CNKSR3: variants seen among roughly 807,000 people sequenced by gnomAD.
CNKSR3 encodes connector enhancer of kinase suppressor of ras 3.
CNKSR3 carries 36 observed loss-of-function variants against 67.7 expected under a neutral mutation model. That is an observed-to-expected ratio of 0.53 (90% confidence interval 0.41 to 0.70). The LOEUF (loss-of-function observed/expected upper bound fraction) is 0.70. CNKSR3 is among the 30% of genes least tolerant of loss of function. CNKSR3 has a pLI of 0.00. For synonymous variants in CNKSR3, 281 were observed against 271.4 expected (o/e 1.04, Z -0.35); for missense variants, 630 against 695.2 (o/e 0.91, Z 1.05).
intron 7 of CNKSR3, among the ~76,000 whole-genome samples, chr6:154,425,503 G>C (rs1423885149): frequency 6.6e-6 from 1 of 152,156 alleles, no homozygotes; most frequent in African/African-American, 2.4e-5. Context: ...TGCTTGTGTT[G>C]GTTTGCTGCA....
At position 154,415,227 on chromosome 6, in the gene CNKSR3, C is replaced by CTTTTTTT. The variant is rs773533317; in HGVS notation, c.946-805_946-804insAAAAAAA. Reference sequence around the variant, plus strand: ...ATCCTGGCTAGACTTACTAGCTGCCCATTTTTTTTTTTTTTTTTTTTAAGA... The same window carrying CTTTTTTT: ...ATCCTGGCTAGACTTACTAGCTGCCCTTTTTTTATTTTTTTTTTTTTTTTTTTTAAGA... On this transcript the variant is annotated intron_variant, in intron 9 of 12. Coordinates refer to ENST00000607772, the MANE Select transcript of CNKSR3 (RefSeq NM_173515.4). 3.7e-4 allele frequency among the ~76,000 whole-genome samples: 42 copies of CTTTTTTT among 112,778 alleles called. 3 individuals carry two copies. The highest frequency in any genetic ancestry group is 7.2e-4 in the East Asian group (2 of 2,770). 74.0% of individuals were successfully genotyped at this position (112,778 alleles called of 152,430 possible).
intron 9 of CNKSR3, among the ~76,000 whole-genome samples, chr6:154,421,831 A>T (rs1284485160): frequency 6.6e-6 from 1 of 152,162 alleles, no homozygotes; most frequent in East Asian, 1.9e-4. Context: ...TGTGTTTGAA[A>T]TGAGAGAGGA....
intron 3 of CNKSR3, 51 bp from the exon 4 acceptor site, chr6:154,441,430 G>A (rs1369052759): frequency 3.1e-5 from 41 of 1,304,502 alleles, no homozygotes; most frequent in Non-Finnish European, 4.3e-5. Flanking sequence ...AATCCACGGG[G>A]ATCCCACTGG....
At chr6:154,418,721 AG>A (rs1367629342) in intron 9 of CNKSR3, among the ~76,000 whole-genome samples, 1 of 152,246 alleles carries the variant, frequency 6.6e-6, no homozygotes, top group Non-Finnish European at 1.5e-5. Context: ...CAACAGAAAC[AG>A]CTGGAGTATA....
intron 5 of CNKSR3, among the ~76,000 whole-genome samples, chr6:154,430,856 C>T (rs1193969094): frequency 2.0e-5 from 3 of 151,952 alleles, no homozygotes; most frequent in Non-Finnish European, 4.4e-5. Flanking sequence ...AGGCAGAAAT[C>T]CCCTTTCAGC....
intron 2 of CNKSR3, among the ~76,000 whole-genome samples, chr6:154,444,302 T>G (rs546807148): frequency 6.6e-6 from 1 of 152,314 alleles, no homozygotes; most frequent in Admixed American, 6.5e-5. Flanking sequence ...TTATCTCTAA[T>G]TTGCCGGTAA....
At chr6:154,451,955 G>C (rs1252471647) in intron 1 of CNKSR3, among the ~76,000 whole-genome samples, 1 of 152,136 alleles carries the variant, frequency 6.6e-6, no homozygotes, top group Non-Finnish European at 1.5e-5. Context: ...TTCGTGGCAC[G>C]CGAGTCAGGC....
chr6:154,448,353 A>T (rs1347412116), intron 2 of CNKSR3, among the ~76,000 whole-genome samples: 1 of 149,422 alleles, frequency 6.7e-6, no homozygotes, highest in Non-Finnish European at 1.5e-5. Context: ...GAAAGAGACA[A>T]TTTGCAAAAC....
intron 1 of CNKSR3, among the ~76,000 whole-genome samples, chr6:154,469,717 G>C (rs1341859270): frequency 3.3e-5 from 5 of 152,132 alleles, no homozygotes; most frequent in Non-Finnish European, 7.3e-5. Flanking sequence ...ACAAGGTTAT[G>C]CAACAATCAC....
At chr6:154,501,426 C>T (rs915780022) in intron 1 of CNKSR3, among the ~76,000 whole-genome samples, 2 of 152,122 alleles carry the variant, frequency 1.3e-5, no homozygotes, top group Admixed American at 6.6e-5. Context: ...TTGTAAGAAC[C>T]TACATGATCT....
At chr6:154,481,607 G>C (rs1218272480) in intron 1 of CNKSR3, among the ~76,000 whole-genome samples, 1 of 152,152 alleles carries the variant, frequency 6.6e-6, no homozygotes, top group Non-Finnish European at 1.5e-5. Flanking sequence ...ATGCTGCCCT[G>C]TCTCCCTGAG....
In CNKSR3 at chr6:154,507,022, C is replaced by T. The variant is rs372602375; in HGVS notation, c.52+3041G>A. 6.1e-4 allele frequency among the ~76,000 whole-genome samples: 93 copies of T among 152,276 alleles called. 1 individual carries two copies. The South Asian group carries it at 0.016, about 26-fold the overall frequency. ...AACCACCTGCTCTGCTGGGTGACAT[C>T]GGTCAATCTGTGTGTGACTCGGTTT... is the stretch of plus-strand genomic sequence containing the variant. On this transcript the variant is annotated intron_variant, in intron 1 of 12. Coordinates refer to ENST00000607772, the MANE Select transcript of CNKSR3 (RefSeq NM_173515.4).
intron 1 of CNKSR3, among the ~76,000 whole-genome samples, chr6:154,496,557 T>C (rs554318840): frequency 6.6e-6 from 1 of 152,248 alleles, no homozygotes; most frequent in Non-Finnish European, 1.5e-5. Context: ...GGCATTTTGA[T>C]GTATTTCCTT....
chr6:154,421,068 T>C (rs897458063), intron 9 of CNKSR3, among the ~76,000 whole-genome samples: 16 of 152,170 alleles, frequency 1.1e-4, no homozygotes, highest in East Asian at 3.8e-4. Context: ...GGCTGAAGTG[T>C]AGTGCCGCGA....
chr6:154,502,479 GA>G (rs113519175), intron 1 of CNKSR3, among the ~76,000 whole-genome samples: 5,999 of 151,962 alleles, frequency 0.039, 315 homozygotes, highest in African/African-American at 0.12. Context: ...TTACAGGCGT[GA>G]GCCACCACAC....
rs367990649 is a variant in CNKSR3 at position 154,434,996 on chromosome 6, C to CTTT, written c.508-1492_508-1490dup. 4.4e-3 allele frequency among the ~76,000 whole-genome samples: 599 copies of CTTT among 136,688 alleles called. 4 individuals carry two copies. The highest frequency in any genetic ancestry group is 6.8e-3 in the Non-Finnish European group (433 of 63,986). The allele number at this position is 136,688 out of a possible 152,430, so 89.7% of individuals were successfully genotyped here. On this transcript the variant is annotated intron_variant, in intron 4 of 12. Transcript: ENST00000607772. ...GTCTATAATCTTTCACTACAAATTC[C>CTTT]TTTTTTTTTTTTTTTTTAGACAAGG...
intron 2 of CNKSR3, among the ~76,000 whole-genome samples, chr6:154,443,762 G>A (rs1785653228): frequency 6.6e-6 from 1 of 152,202 alleles, no homozygotes; most frequent in Non-Finnish European, 1.5e-5. Flanking sequence ...AAGAGGCTGA[G>A]GTAGGAGGAT....
intron 1 of CNKSR3, among the ~76,000 whole-genome samples, chr6:154,503,014 T>A (rs1242163136): frequency 3.3e-5 from 5 of 152,172 alleles, no homozygotes; most frequent in Non-Finnish European, 1.5e-5. Flanking sequence ...CCAATCTCCA[T>A]GGATAAAGGA....
intron 1 of CNKSR3, among the ~76,000 whole-genome samples, chr6:154,465,112 G>A (rs1388254185): frequency 7.6e-6 from 1 of 132,208 alleles, no homozygotes; most frequent in African/African-American, 3.0e-5. Context: ...TTGCACTCCA[G>A]CCTGGGCAAC....
Sources: allele counts gnomAD v4.1 joint callset (sites outside exome capture counted in the v4.1 genomes callset), GRCh38; gene constraint gnomAD v4.1.1; transcripts MANE v1.5; gene names NCBI Gene and HGNC (gene_info 2026-07-23, HGNC 2026-07-21).